MLKL: variants seen among roughly 807,000 people sequenced by gnomAD.
MLKL encodes mixed lineage kinase domain-like protein.
A neutral mutation model predicts 56.5 loss-of-function variants in MLKL; 55 were observed. The observed-to-expected ratio is 0.97, with a 90% CI of 0.78 to 1.22. MLKL has a LOEUF of 1.22. Ranked by LOEUF, MLKL falls within the 50% of genes most tolerant of loss-of-function variation. The pLI is 0.00. For synonymous variants in MLKL, 251 were observed against 208.3 expected (o/e 1.20, Z -1.76); for missense variants, 694 against 573.9 (o/e 1.21, Z -2.14).
chr16:74,682,677 G>T lies in MLKL; in HGVS notation c.930C>A (p.Val310=). The T allele has an allele frequency of 6.2e-7, 1 of 1,614,084 alleles. No homozygotes were observed. Among genetic ancestry groups the T allele is most frequent in the Non-Finnish European group, 8.5e-7 (1 of 1,179,998 alleles). Residue 310 remains valine, a synonymous_variant, in exon 6 of 11, where the codon GTC becomes GTA. Transcript: ENST00000308807. ...DLTLGKRMVL[V]LGAARGLYRL... is the part of the protein sequence containing the mutation. ...GGTATAGGCCTCGGGCTGCCCCCAG[G>T]ACTAGGACCATGCGCTTGCCAAGTG...
chr16:74,683,757 C>T (rs1960144856), intron 5 of MLKL, among the ~76,000 whole-genome samples: 1 of 152,184 alleles, frequency 6.6e-6, no homozygotes, highest in East Asian at 1.9e-4. Context: ...CACATGGGTG[C>T]TCACAAGAAG....
At position 74,681,465 on chromosome 16, in the gene MLKL, T is replaced by G. The variant is rs560145309; in HGVS notation, c.956+1186A>C. On this transcript the variant is annotated intron_variant, in intron 6 of 10. Transcript: ENST00000308807. ...ACCCTTGGGACTAAGAATCCATAGA[T>G]TCTGCAGGTGAGAATAGGTAGAGTT... Among the ~76,000 whole-genome samples the G allele has an allele frequency of 3.4e-4, 52 of 152,194 alleles. No individual in the cohort carries two copies. The South Asian group carries it at 0.011, about 31-fold the overall frequency.
At chr16:74,679,624 A>G (rs1959814245) in intron 6 of MLKL, among the ~76,000 whole-genome samples, 1 of 152,188 alleles carries the variant, frequency 6.6e-6, no homozygotes, top group Admixed American at 6.5e-5. Context: ...CTTCGCCAAC[A>G]TGGTGAAACA....
At chr16:74,691,068 AT>A (rs1398835542) in intron 4 of MLKL, among the ~76,000 whole-genome samples, 1 of 151,412 alleles carries the variant, frequency 6.6e-6, no homozygotes, top group Non-Finnish European at 1.5e-5. Context: ...TTTTTTTTAA[AT>A]ATATATGTGG....
At position 74,675,068 on chromosome 16, in the gene MLKL, C is replaced by G; in HGVS notation, c.1273G>C (p.Ala425Pro). ...AGTGGCTCCTGCTGCCGCTTCACAG[C>G]CACCAGCTTGCGGATCTTCTCAGAA... ...CNSEKIRKLV[A>P]VKRQQEPLGE... Residue 425 changes from alanine to proline, a missense_variant, in exon 10 of 11, where the codon GCT becomes CCT. By Grantham distance (27) the Ala-to-Pro change is conservative (BLOSUM62 -1). Coordinates refer to ENST00000308807, the MANE Select transcript of MLKL (RefSeq NM_152649.4). 1 of 1,614,110 alleles carries G rather than the reference C, an allele frequency of 6.2e-7. No individual in the cohort carries two copies. Among genetic ancestry groups the G allele is most frequent in the African/African-American group, 1.3e-5 (1 of 75,032 alleles).
At chr16:74,688,094 G>T (rs1482735137) in intron 4 of MLKL, among the ~76,000 whole-genome samples, 1 of 152,130 alleles carries the variant, frequency 6.6e-6, no homozygotes, top group Non-Finnish European at 1.5e-5. Flanking sequence ...AAAGTGCTAG[G>T]ATTACAGTCG....
chr16:74,691,353 T>G lies in MLKL; in HGVS notation c.646A>C (p.Thr216Pro), dbSNP rs770041469. Residue 216 changes from threonine to proline, a missense_variant, in exon 4 of 11, where the codon ACA becomes CCA. Physicochemically the swap from Thr to Pro is conservative, Grantham distance 38. Transcript: ENST00000308807. Reference protein sequence around the residue: ...WILLRENEVSTLYKGEYHRAP... With the variant: ...WILLRENEVSPLYKGEYHRAP... ...CTGTGGTATTCTCCTTTATAAAGTG[T>G]GCTGACTTCATTTTCCCTTAGCAGA... 3.1e-6 allele frequency: 5 copies of G among 1,614,078 alleles called. No homozygotes were observed. Among genetic ancestry groups the G allele is most frequent in the Admixed American group, 3.3e-5 (2 of 60,000 alleles).
intron 2 of MLKL, among the ~76,000 whole-genome samples, chr16:74,694,770 A>AAAATG (rs1421501063): frequency 6.6e-6 from 1 of 152,106 alleles, no homozygotes; most frequent in African/African-American, 2.4e-5. Context: ...AAAATGAAAC[A>AAAATG]AAACAAAACA....
intron 5 of MLKL, among the ~76,000 whole-genome samples, 159 bp downstream of exon 5, chr16:74,685,327 T>C (rs1418974033): frequency 6.6e-6 from 1 of 151,704 alleles, no homozygotes; most frequent in East Asian, 1.9e-4. Flanking sequence ...GATGAGAACA[T>C]GCATCTTGGG....
intron 4 of MLKL, among the ~76,000 whole-genome samples, chr16:74,688,801 A>C (rs1209071116): frequency 6.6e-6 from 1 of 152,226 alleles, no homozygotes; most frequent in Non-Finnish European, 1.5e-5. Flanking sequence ...GAAAAAACAC[A>C]AGGTCCTTCA....
At chr16:74,688,979 A>T (rs1960500706) in intron 4 of MLKL, among the ~76,000 whole-genome samples, 1 of 152,200 alleles carries the variant, frequency 6.6e-6, no homozygotes, top group South Asian at 2.1e-4. Flanking sequence ...ATTTACATTG[A>T]AGATTCAGAA....
At position 74,687,832 on chromosome 16, in the gene MLKL, C is replaced by T. The variant is rs865991632; in HGVS notation, c.723-2249G>A. On this transcript the variant is annotated intron_variant, in intron 4 of 10. Transcript: ENST00000308807. ...TACAGGTGCCTGCCACCACGCCTGG[C>T]TATTTTTTTTTGCGATGGAGTCTTG... Among the ~76,000 whole-genome samples the T allele has an allele frequency of 9.9e-5, 15 of 151,820 alleles. No homozygotes were observed. In the South Asian group the frequency reaches 2.9e-3, roughly 30 times the overall value.
chr16:74,699,998 A>ATT (rs1961286617), intron 1 of MLKL, among the ~76,000 whole-genome samples: 1 of 152,166 alleles, frequency 6.6e-6, no homozygotes, highest in Non-Finnish European at 1.5e-5. Flanking sequence ...ACGATGAGAA[A>ATT]ACAGGTTACT....
chr16:74,679,353 G>C (rs1036879539), intron 6 of MLKL, among the ~76,000 whole-genome samples: 1 of 152,186 alleles, frequency 6.6e-6, no homozygotes, highest in Admixed American at 6.5e-5. Flanking sequence ...GGTCAAAGCA[G>C]AATGTGAAGC....
At position 74,675,666 on chromosome 16, in the gene MLKL, A is replaced by G; in HGVS notation, c.1137T>C (p.Pro379=). ...GATAAAATACATCTTCCAGTTCCTG[A>G]GGTGAGAGATATGCTGTAGATTTGA... is the stretch of plus-strand genomic sequence containing the variant. ...DRVKSTAYLS[P]QELEDVFYQY... The change falls in exon 8 of 11, where the codon CCT becomes CCC. Residue 379 remains proline, a synonymous_variant. Transcript: ENST00000308807. 1 of 1,614,086 alleles carries G rather than the reference A, an allele frequency of 6.2e-7. No homozygotes were observed. Among genetic ancestry groups the G allele is most frequent in the Non-Finnish European group, 8.5e-7 (1 of 1,179,980 alleles).
Position 74,675,498 on chromosome 16 carries a change from T to C in MLKL, c.1191-94A>G. 5 of 1,571,506 alleles carry C rather than the reference T, an allele frequency of 3.2e-6. No individual in the cohort carries two copies. In the South Asian group the frequency reaches 5.8e-5, roughly 18 times the overall value. On this transcript the variant is annotated intron_variant, in intron 8 of 10. Coordinates refer to ENST00000308807, the MANE Select transcript of MLKL (RefSeq NM_152649.4). ...CCAGAAAACTCAGTGAATTTTTTGATTACTACCCAATTTCATTCAACAGAG... is the reference window on the plus strand; with the variant it reads ...CCAGAAAACTCAGTGAATTTTTTGACTACTACCCAATTTCATTCAACAGAG...
Position 74,673,952 on chromosome 16 carries a change from T to TAAAAAA in MLKL, c.1381+1002_1381+1007dup, listed in dbSNP as rs5817923. Among the ~76,000 whole-genome samples, 32 of 104,654 alleles carry TAAAAAA rather than the reference T, an allele frequency of 3.1e-4. No homozygotes were observed. The South Asian group carries it at 8.5e-3, about 28-fold the overall frequency. 68.7% of individuals were successfully genotyped at this position (104,654 alleles called of 152,430 possible). On this transcript the variant is annotated intron_variant, in intron 10 of 10. Coordinates refer to ENST00000308807, the MANE Select transcript of MLKL (RefSeq NM_152649.4). ...GGGCAACATAATGAGACCTCCTCTCTAAAAAAAAAAAAAAAAAAAACCATA... is the reference window on the plus strand; with the variant it reads ...GGGCAACATAATGAGACCTCCTCTCTAAAAAAAAAAAAAAAAAAAAAAAAAACCATA...
Position 74,674,994 on chromosome 16 carries a change from C to T in MLKL, c.1347G>A (p.Arg449=). ...SELREIIDEC[R]AHDPSVRPSV... The stretch of plus-strand genomic sequence containing the variant: ...AGGGCCGCACAGAGGGATCATGGGC[C>T]CGGCACTCATCAATGATCTCCCGCA... Residue 449 remains arginine, a synonymous_variant, in exon 10 of 11, where the codon CGG becomes CGA. Coordinates refer to ENST00000308807, the MANE Select transcript of MLKL (RefSeq NM_152649.4). 6.2e-7 allele frequency: 1 copy of T among 1,614,184 alleles called. No homozygotes were observed. Among genetic ancestry groups the T allele is most frequent in the Non-Finnish European group, 8.5e-7 (1 of 1,180,032 alleles).
At chr16:74,674,443 G>A (rs577286465) in intron 10 of MLKL, among the ~76,000 whole-genome samples, 2 of 151,750 alleles carry the variant, frequency 1.3e-5, no homozygotes, top group East Asian at 1.9e-4. Flanking sequence ...ATGAGCCACC[G>A]CGCCTGGCCA....
Sources: allele counts gnomAD v4.1 joint callset (sites outside exome capture counted in the v4.1 genomes callset), GRCh38; gene constraint gnomAD v4.1.1; transcripts MANE v1.5; gene names NCBI Gene and HGNC (gene_info 2026-07-23, HGNC 2026-07-21).